Variants in POU5F2 observed in about 807,000 individuals in gnomAD.
POU5F2 encodes the protein POU domain, class 5, transcription factor 2.
For synonymous variants in POU5F2, 191 were observed against 178.7 expected, an observed-to-expected ratio of 1.07 and a Z score of -0.55; for missense variants, 401 against 426.6, an observed-to-expected ratio of 0.94 and a Z score of 0.53.
rs185367860 is a variant in POU5F2, at chr5:93,741,078, C to T, written c.486G>A (p.Thr162=). 2.5e-6 allele frequency: 4 copies of T among 1,613,930 alleles called. No individual in the cohort carries two copies. Among genetic ancestry groups the T allele is most frequent in the East Asian group, 4.5e-5 (2 of 44,854 alleles). ...GCTGGGCCTCGAAGCGGCAGATGGT[C>T]GTCTGGCTAAGCACCTTCCCAAACA... ...GALFGKVLSQ[T]TICRFEAQQL... The change falls in exon 1 of 1, where the codon ACG becomes ACA. Residue 162 remains threonine, a synonymous_variant. Coordinates refer to ENST00000606183, the MANE Select transcript of POU5F2 (RefSeq NM_153216.2).
chr5:93,734,644 G>C lies in POU5F2; in HGVS notation c.*5933C>G, dbSNP rs1746825607. The C allele has an allele frequency of 6.6e-6, 1 of 152,176 alleles. No homozygotes were observed. The highest frequency in any genetic ancestry group is 6.5e-5 in the Admixed American group (1 of 15,302). 9.4% of individuals were successfully genotyped at this position (152,176 alleles called of 1,614,324 possible). ...TGACAGTGAAGATCTATTGGAGTCGGGAGTTGAAATTTATTTTTAAAATTA... is the reference window on the plus strand; with the variant it reads ...TGACAGTGAAGATCTATTGGAGTCGCGAGTTGAAATTTATTTTTAAAATTA... On this transcript the variant is annotated 3_prime_UTR_variant, in exon 1 of 1. Transcript: ENST00000606183.
At position 93,741,319 on chromosome 5, in the gene POU5F2, C is replaced by A. The variant is rs780379006; in HGVS notation, c.245G>T (p.Arg82Leu). Residue 82 changes from arginine to leucine, a missense_variant, in exon 1 of 1, where the codon CGT becomes CTT. By Grantham distance (102) the Arg-to-Leu change is moderately radical. Coordinates refer to ENST00000606183, the MANE Select transcript of POU5F2 (RefSeq NM_153216.2). ...FRGWIAPCRP[R>L]LGASEAGDWL... ...GTCCCCTGCCTCACTAGCTCCAAGA[C>A]GGGGCCTGCAGGGTGCTATCCAGCC... is the stretch of plus-strand genomic sequence containing the variant. 1.9e-6 allele frequency: 3 copies of A among 1,613,248 alleles called. No homozygotes were observed. The highest frequency in any genetic ancestry group is 4.5e-5 in the East Asian group (2 of 44,858).
chr5:93,741,444 G>A lies in POU5F2; in HGVS notation c.120C>T (p.Ala40=), dbSNP rs766466059. 6.2e-7 allele frequency: 1 copy of A among 1,613,488 alleles called. No individual in the cohort carries two copies. The highest frequency in any genetic ancestry group is 8.5e-7 in the Non-Finnish European group (1 of 1,179,780). The part of the protein sequence containing the change: ...DTLTWLSTQA[A]PGRVMVWPAV... ...CCGGCCAGACCATCACCCTGCCAGG[G>A]GCCGCCTGGGTGCTCAACCAGGTCA... is the stretch of plus-strand genomic sequence containing the variant. Residue 40 remains alanine, a synonymous_variant, in exon 1 of 1, where the codon GCC becomes GCT. Transcript: ENST00000606183.
rs748584858 is a variant in POU5F2, at chr5:93,739,506, T to C, written c.*1071A>G. 5 of 152,134 alleles carry C rather than the reference T, an allele frequency of 3.3e-5. No homozygotes were observed. The highest frequency in any genetic ancestry group is 7.4e-5 in the Non-Finnish European group (5 of 68,022). The allele number at this position is 152,134 out of a possible 1,614,324, so 9.4% of individuals were successfully genotyped here. On this transcript the variant is annotated 3_prime_UTR_variant, in exon 1 of 1. Transcript: ENST00000606183. ...TCCAGAAATAAGACATAAACTCTGA[T>C]ATAATACATACTGATAGAATTCTAG...
In POU5F2 at chr5:93,740,497, A is replaced by G; in HGVS notation, c.*80T>C. 1 of 1,436,410 alleles carries G rather than the reference A, an allele frequency of 7.0e-7. No homozygotes were observed. The highest frequency in any genetic ancestry group is 9.4e-7 in the Non-Finnish European group (1 of 1,063,390). 89.0% of individuals were successfully genotyped at this position (1,436,410 alleles called of 1,614,324 possible). A position where few individuals can be genotyped will look rare whatever the true frequency, so the allele number is the denominator to read the frequency against. On this transcript the variant is annotated 3_prime_UTR_variant, in exon 1 of 1. Transcript: ENST00000606183. Reference sequence around the variant, plus strand: ...GAGAAATTAATACTAAAAGCCCTCAAATGAACCCTAGGGACATTTCCTGGG... The same window carrying G: ...GAGAAATTAATACTAAAAGCCCTCAGATGAACCCTAGGGACATTTCCTGGG...
Position 93,739,775 on chromosome 5 carries a change from A to C in POU5F2, c.*802T>G, listed in dbSNP as rs989760251. The stretch of plus-strand genomic sequence containing the variant: ...CATTATAAGAGATCAAGAGAAAGTA[A>C]GGGAAATTCCCAGGGAACCAAATAG... On this transcript the variant is annotated 3_prime_UTR_variant, in exon 1 of 1. Transcript: ENST00000606183. The C allele has an allele frequency of 2.6e-5, 4 of 152,186 alleles. No homozygotes were observed. Among genetic ancestry groups the C allele is most frequent in the Admixed American group, 6.5e-5 (1 of 15,276 alleles). The allele number at this position is 152,186 out of a possible 1,614,324, so 9.4% of individuals were successfully genotyped here. A position where few individuals can be genotyped will look rare whatever the true frequency, so the allele number is the denominator to read the frequency against.
In POU5F2 at chr5:93,740,529, C is replaced by G. The variant is rs1311005632; in HGVS notation, c.*48G>C. On this transcript the variant is annotated 3_prime_UTR_variant, in exon 1 of 1. Coordinates refer to ENST00000606183, the MANE Select transcript of POU5F2 (RefSeq NM_153216.2). ...CCTAGGGACATTTCCTGGGTTTTCC[C>G]TTCTTCTCCCCTCTCCAACCGTGCC... 21 of 1,527,230 alleles carry G rather than the reference C, an allele frequency of 1.4e-5. No individual in the cohort carries two copies. Among genetic ancestry groups the G allele is most frequent in the Non-Finnish European group, 1.8e-5 (21 of 1,136,244 alleles). 94.6% of individuals were successfully genotyped at this position (1,527,230 alleles called of 1,614,324 possible).
Position 93,741,430 on chromosome 5 carries a change from A to G in POU5F2, c.134T>C (p.Met45Thr). 6.2e-7 allele frequency: 1 copy of G among 1,613,426 alleles called. No homozygotes were observed. The highest frequency in any genetic ancestry group is 8.5e-7 in the Non-Finnish European group (1 of 1,179,772). Residue 45 changes from methionine (M) to threonine (T), a missense_variant, in exon 1 of 1, where the codon ATG becomes ACG. Met to Thr is a moderately conservative substitution (Grantham distance 81). Coordinates refer to ENST00000606183, the MANE Select transcript of POU5F2 (RefSeq NM_153216.2). ...CCCTGGCCTGACTGCCGGCCAGACC[A>G]TCACCCTGCCAGGGGCCGCCTGGGT... Reference protein sequence around the residue: ...LSTQAAPGRVMVWPAVRPGIC... With the variant: ...LSTQAAPGRVTVWPAVRPGIC...
At position 93,741,572 on chromosome 5, in the gene POU5F2, T is replaced by A. The variant is rs755580301; in HGVS notation, c.-9A>T. On this transcript the variant is annotated 5_prime_UTR_variant, in exon 1 of 1. Coordinates refer to ENST00000606183, the MANE Select transcript of POU5F2 (RefSeq NM_153216.2). Reference sequence around the variant, plus strand: ...GGCCTGTGTCCGGCCATGGGTGGAATGGCACCCGCAGCGGCTCTGGTAGGA... The same window carrying A: ...GGCCTGTGTCCGGCCATGGGTGGAAAGGCACCCGCAGCGGCTCTGGTAGGA... 6.6e-7 allele frequency: 1 copy of A among 1,525,200 alleles called. No homozygotes were observed. The highest frequency in any genetic ancestry group is 8.8e-7 in the Non-Finnish European group (1 of 1,137,380). The allele number at this position is 1,525,200 out of a possible 1,614,324, so 94.5% of individuals were successfully genotyped here. A position where few individuals can be genotyped will look rare whatever the true frequency, so the allele number is the denominator to read the frequency against.
Position 93,741,242 on chromosome 5 carries a change from G to T in POU5F2, c.322C>A (p.Arg108=), listed in dbSNP as rs747541526. 3.7e-5 allele frequency: 59 copies of T among 1,613,782 alleles called. No individual in the cohort carries two copies. Among genetic ancestry groups the T allele is most frequent in the Non-Finnish European group, 4.8e-5 (57 of 1,179,894 alleles). Residue 108 remains arginine (R), a synonymous_variant, in exon 1 of 1, where the codon CGG becomes AGG. Coordinates refer to ENST00000606183, the MANE Select transcript of POU5F2 (RefSeq NM_153216.2). The stretch of plus-strand genomic sequence containing the variant: ...GGCGGCGGCAACTTCGGAATGCTCC[G>T]CAGGGCAATGTAGGGCCCCGGGAGG... ...GALPGPYIAL[R]SIPKLPPPED...
Position 93,740,477 on chromosome 5 carries a change from ATTAATAC to A in POU5F2, c.*93_*99del. On this transcript the variant is annotated 3_prime_UTR_variant, in exon 1 of 1. Coordinates refer to ENST00000606183, the MANE Select transcript of POU5F2 (RefSeq NM_153216.2). ...AACTTCTTTAGACAGTGAATGAGAAATTAATACTAAAAGCCCTCAAATGAACCCTAGG... is the reference window on the plus strand; with the variant it reads ...AACTTCTTTAGACAGTGAATGAGAAATAAAAGCCCTCAAATGAACCCTAGG... The A allele has an allele frequency of 7.7e-7, 1 of 1,292,866 alleles. No individual in the cohort carries two copies. Among genetic ancestry groups the A allele is most frequent in the Non-Finnish European group, 1.1e-6 (1 of 937,100 alleles). 80.1% of individuals were successfully genotyped at this position (1,292,866 alleles called of 1,614,324 possible).
rs1264157402 is a variant in POU5F2 at position 93,738,967 on chromosome 5, C to A, written c.*1610G>T. On this transcript the variant is annotated 3_prime_UTR_variant, in exon 1 of 1. Transcript: ENST00000606183. ...ATTTTATCACACACACAAAAATAGG[C>A]AAAGGTAAAGTTTCTACAGTCTCAT... 6.6e-6 allele frequency: 1 copy of A among 151,998 alleles called. No individual in the cohort carries two copies. The highest frequency in any genetic ancestry group is 1.5e-5 in the Non-Finnish European group (1 of 67,972). The allele number at this position is 151,998 out of a possible 1,614,324, so 9.4% of individuals were successfully genotyped here.
Position 93,739,591 on chromosome 5 carries a change from T to C in POU5F2, c.*986A>G, listed in dbSNP as rs897671323. 6.6e-6 allele frequency: 1 copy of C among 152,142 alleles called. No individual in the cohort carries two copies. Among genetic ancestry groups the C allele is most frequent in the African/African-American group, 2.4e-5 (1 of 41,420 alleles). The allele number at this position is 152,142 out of a possible 1,614,324, so 9.4% of individuals were successfully genotyped here. The stretch of plus-strand genomic sequence containing the variant: ...GATTTGAAAACACAGAGGTACTAAA[T>C]GGTTTCCATTTAGTATATGGTGACC... On this transcript the variant is annotated 3_prime_UTR_variant, in exon 1 of 1. Transcript: ENST00000606183.
rs756069005 is a variant in POU5F2, at chr5:93,740,984, C to T, written c.580G>A (p.Glu194Lys). ...LKKWLKEVEA[E>K]NLLGLCKMEM... is the part of the protein sequence containing the mutation. ...ATTTTGCATAAGCCCAGAAGGTTCT[C>T]TGCTTCCACTTCCTTCAGCCACTTT... The change falls in exon 1 of 1, where the codon GAG becomes AAG. Residue 194 changes from glutamate (E) to lysine (K), a missense_variant. Coordinates refer to ENST00000606183, the MANE Select transcript of POU5F2 (RefSeq NM_153216.2). 6 of 1,613,928 alleles carry T rather than the reference C, an allele frequency of 3.7e-6. No individual in the cohort carries two copies. Among genetic ancestry groups the T allele is most frequent in the Non-Finnish European group, 5.1e-6 (6 of 1,179,898 alleles).
At position 93,740,990 on chromosome 5, in the gene POU5F2, C is replaced by T; in HGVS notation, c.574G>A (p.Glu192Lys). The T allele has an allele frequency of 6.2e-7, 1 of 1,613,910 alleles. No homozygotes were observed. Among genetic ancestry groups the T allele is most frequent in the African/African-American group, 1.3e-5 (1 of 75,050 alleles). ...CATAAGCCCAGAAGGTTCTCTGCTT[C>T]CACTTCCTTCAGCCACTTTTTCAGC... ...PLLKKWLKEV[E>K]AENLLGLCKM... is the part of the protein sequence containing the mutation. Residue 192 changes from glutamate (E) to lysine (K), a missense_variant, in exon 1 of 1, where the codon GAA becomes AAA. Transcript: ENST00000606183.
At position 93,738,457 on chromosome 5, in the gene POU5F2, GA is replaced by G. The variant is rs1401051606; in HGVS notation, c.*2119del. On this transcript the variant is annotated 3_prime_UTR_variant, in exon 1 of 1. Transcript: ENST00000606183. ...ATTCCACTCCTATGTATACATCCAA[GA>G]GAACTGAAACAACAGATAAACAAAT... The G allele has an allele frequency of 6.6e-6, 1 of 152,124 alleles. No individual in the cohort carries two copies. Among genetic ancestry groups the G allele is most frequent in the African/African-American group, 2.4e-5 (1 of 41,420 alleles). The allele number at this position is 152,124 out of a possible 1,614,324, so 9.4% of individuals were successfully genotyped here.
rs895858849 is a variant in POU5F2, at chr5:93,735,334, T to C, written c.*5243A>G. On this transcript the variant is annotated 3_prime_UTR_variant, in exon 1 of 1. Transcript: ENST00000606183. ...ATCTTTTAAATTATGTGAAGCTGATTAGTGACACATAGAGGCTTTGCCTAA... is the reference window on the plus strand; with the variant it reads ...ATCTTTTAAATTATGTGAAGCTGATCAGTGACACATAGAGGCTTTGCCTAA... 2 of 152,196 alleles carry C rather than the reference T, an allele frequency of 1.3e-5. No homozygotes were observed. Among genetic ancestry groups the C allele is most frequent in the Non-Finnish European group, 2.9e-5 (2 of 68,056 alleles). The allele number at this position is 152,196 out of a possible 1,614,324, so 9.4% of individuals were successfully genotyped here.
At position 93,741,184 on chromosome 5, in the gene POU5F2, T is replaced by C; in HGVS notation, c.380A>G (p.Gln127Arg). The C allele has an allele frequency of 6.2e-7, 1 of 1,613,888 alleles. No individual in the cohort carries two copies. Among genetic ancestry groups the C allele is most frequent in the Non-Finnish European group, 8.5e-7 (1 of 1,179,878 alleles). Residue 127 changes from glutamine to arginine, a missense_variant, in exon 1 of 1, where the codon CAG becomes CGG. Physicochemically the swap from Gln to Arg is conservative, Grantham distance 43. Transcript: ENST00000606183. ...CTGCCTCAACTCCTTGGCCAATTGCTGCAACTCTTTCAGTATGCCCGAGAT... is the reference window on the plus strand; with the variant it reads ...CTGCCTCAACTCCTTGGCCAATTGCCGCAACTCTTTCAGTATGCCCGAGAT... ...EDISGILKEL[Q>R]QLAKELRQKR...
At position 93,740,731 on chromosome 5, in the gene POU5F2, A is replaced by G; in HGVS notation, c.833T>C (p.Val278Ala). The G allele has an allele frequency of 6.2e-7, 1 of 1,612,958 alleles. No homozygotes were observed. Among genetic ancestry groups the G allele is most frequent in the South Asian group, 1.1e-5 (1 of 90,900 alleles). Residue 278 changes from valine (V) to alanine (A), a missense_variant, in exon 1 of 1, where the codon GTG (valine) becomes GCG (alanine). Val to Ala is a moderately conservative substitution (Grantham distance 64, BLOSUM62 0). Transcript: ENST00000606183. ...TGGGCAAGGAGGCCCGGCTGTCCCC[A>G]CAATCTCCCGTGGGGAAGCATCATT... ...PTNDASPREI[V>A]GTAGPPCPGA...
Sources: gnomAD v4.1 joint callset for allele counts on GRCh38, gnomAD v4.1.1 for gene constraint, MANE v1.5 for transcripts, NCBI Gene and HGNC (gene_info 2026-07-23, HGNC 2026-07-21) for gene names.